The following PXDNL variants were observed in gnomAD, a reference collection of about 807,000 sequenced individuals.
PXDNL encodes probable oxidoreductase PXDNL.
In PXDNL, 145 loss-of-function variants were observed where a neutral mutation model predicts 150.8. The ratio of observed to expected loss-of-function variants is 0.96; its 90% confidence interval spans 0.84 to 1.10. The LOEUF is 1.10. Ranked by LOEUF, PXDNL falls within the 50% of genes least tolerant of loss-of-function variation. PXDNL has a pLI of 0.00. For synonymous variants in PXDNL, 757 were observed against 725.7 expected (o/e 1.04, Z -0.69); for missense variants, 2,087 against 1,873.9 (o/e 1.11, Z -2.10).
chr8:51,571,893 C>A (rs1223713971), intron 3 of PXDNL, among the ~76,000 whole-genome samples: 1 of 151,342 alleles, frequency 6.6e-6, no homozygotes, highest in East Asian at 1.9e-4. Context: ...AGGTGTTTGG[C>A]AAACAAACAA....
intron 13 of PXDNL, among the ~76,000 whole-genome samples, chr8:51,424,797 T>A (rs1238279111): frequency 2.0e-5 from 3 of 152,160 alleles, no homozygotes; most frequent in Non-Finnish European, 4.4e-5. Context: ...CTATGGCCAA[T>A]AGGCCAGAGT....
chr8:51,777,332 A>G (rs1334014191), intron 1 of PXDNL, among the ~76,000 whole-genome samples: 1 of 152,224 alleles, frequency 6.6e-6, no homozygotes. Flanking sequence ...AAATGTGTCA[A>G]TACACACCAA....
intron 1 of PXDNL, among the ~76,000 whole-genome samples, chr8:51,669,063 A>G (rs1169985609): frequency 1.3e-5 from 2 of 152,214 alleles, no homozygotes; most frequent in Admixed American, 6.5e-5. Context: ...TGATAAATAA[A>G]TCAATGAATT....
At chr8:51,454,857 A>G (rs796922551) in intron 9 of PXDNL, among the ~76,000 whole-genome samples, 5 of 152,348 alleles carry the variant, frequency 3.3e-5, no homozygotes, top group African/African-American at 1.2e-4. Context: ...AACAGAGGAC[A>G]GAACACATCA....
At chr8:51,737,008 A>G (rs2130945441) in intron 1 of PXDNL, among the ~76,000 whole-genome samples, 1 of 152,332 alleles carries the variant, frequency 6.6e-6, no homozygotes, top group Middle Eastern at 3.4e-3. Flanking sequence ...CTGGCACATA[A>G]TACAAAGAAT....
At chr8:51,557,977 A>G (rs926225669) in intron 3 of PXDNL, among the ~76,000 whole-genome samples, 1 of 152,176 alleles carries the variant, frequency 6.6e-6, no homozygotes, top group African/African-American at 2.4e-5. Flanking sequence ...TTTCCTCAGC[A>G]TTAATTGATA....
At chr8:51,458,961 CA>C (rs1198665036) in intron 8 of PXDNL, among the ~76,000 whole-genome samples, 2 of 151,962 alleles carry the variant, frequency 1.3e-5, no homozygotes. Context: ...ACCAATTAGC[CA>C]AAAAAGAAAT....
intron 19 of PXDNL, among the ~76,000 whole-genome samples, chr8:51,360,356 T>C (rs1339417912): frequency 6.6e-6 from 1 of 152,248 alleles, no homozygotes; most frequent in South Asian, 2.1e-4. Context: ...TACATGCCTA[T>C]ACATACAATA....
intron 4 of PXDNL, among the ~76,000 whole-genome samples, chr8:51,540,048 A>G (rs545396829): frequency 6.6e-6 from 1 of 151,532 alleles, no homozygotes; most frequent in Non-Finnish European, 1.5e-5. Flanking sequence ...ACAGGTGCAC[A>G]CCACCATGAC....
chr8:51,644,709 G>C (rs577300656), intron 2 of PXDNL, among the ~76,000 whole-genome samples: 50 of 151,556 alleles, frequency 3.3e-4, no homozygotes, highest in Non-Finnish European at 6.3e-4. Flanking sequence ...CACCCGCCTC[G>C]GCCTCCCAAA....
chr8:51,523,277 A>C (rs1031409148), intron 4 of PXDNL, among the ~76,000 whole-genome samples: 4 of 152,236 alleles, frequency 2.6e-5, no homozygotes, highest in Non-Finnish European at 5.9e-5. Context: ...AACATCTATA[A>C]GATTTTTCCA....
intron 8 of PXDNL, among the ~76,000 whole-genome samples, chr8:51,469,722 TA>T (rs1325170626): frequency 2.6e-5 from 4 of 152,128 alleles, no homozygotes; most frequent in Non-Finnish European, 5.9e-5. Context: ...TTGTTTAAAA[TA>T]ATTTGCTATA....
intron 1 of PXDNL, among the ~76,000 whole-genome samples, chr8:51,775,493 G>T (rs1010953965): frequency 6.6e-6 from 1 of 152,166 alleles, no homozygotes; most frequent in African/African-American, 2.4e-5. Context: ...TGAACGGAGG[G>T]ACTAGCTGAA....
chr8:51,392,791 TGA>T (rs1456669500), intron 17 of PXDNL, among the ~76,000 whole-genome samples: 4 of 152,176 alleles, frequency 2.6e-5, no homozygotes, highest in African/African-American at 9.7e-5. Flanking sequence ...ATAGGAGTGG[TGA>T]GAGAGGGCAT....
At chr8:51,437,898 C>G (rs549833517) in intron 12 of PXDNL, among the ~76,000 whole-genome samples, 2 of 152,208 alleles carry the variant, frequency 1.3e-5, no homozygotes, top group South Asian at 4.2e-4. Context: ...TGATTGTATA[C>G]CTAGAAAACC....
intron 1 of PXDNL, among the ~76,000 whole-genome samples, chr8:51,674,624 G>T (rs1341834709): frequency 6.6e-6 from 1 of 152,182 alleles, no homozygotes; most frequent in East Asian, 1.9e-4. Flanking sequence ...ATTCCAAGTG[G>T]CATTGGTGTG....
In PXDNL at chr8:51,408,810, T is replaced by C; in HGVS notation, c.2814A>G (p.Thr938=). 1 of 1,569,182 alleles carries C rather than the reference T, an allele frequency of 6.4e-7. No individual in the cohort carries two copies. Among genetic ancestry groups the C allele is most frequent in the Non-Finnish European group, 8.6e-7 (1 of 1,158,608 alleles). ...GTCGCGCGCACTCGGTGGGTGGGCC[T>C]GTAGAAAAGGGCAATAAGGGCTTTC... The part of the protein sequence containing the change: ...PSGKPLLPFS[T]GPPTECARQE... Residue 938 remains threonine (T), a synonymous_variant, in exon 17 of 23, where the codon ACA becomes ACG. Coordinates refer to ENST00000356297, the MANE Select transcript of PXDNL (RefSeq NM_144651.5).
At chr8:51,343,080 C>T (rs556797751) in intron 20 of PXDNL, among the ~76,000 whole-genome samples, 35 of 152,096 alleles carry the variant, frequency 2.3e-4, no homozygotes, top group Middle Eastern at 3.4e-3. Flanking sequence ...GTGAATGTTG[C>T]TATATTTTGG....
intron 5 of PXDNL, among the ~76,000 whole-genome samples, chr8:51,497,979 C>T (rs1317553788): frequency 6.6e-6 from 1 of 152,036 alleles, no homozygotes; most frequent in African/African-American, 2.4e-5. Flanking sequence ...GACACATGCA[C>T]ATGTATGTTT....
Sources: gnomAD v4.1 joint callset for allele counts (sites outside exome capture counted in the v4.1 genomes callset) on GRCh38, gnomAD v4.1.1 for gene constraint, MANE v1.5 for transcripts, NCBI Gene and HGNC (gene_info 2026-07-23, HGNC 2026-07-21) for gene names.